ANO3: variants seen among roughly 807,000 people sequenced by gnomAD.
ANO3 encodes anoctamin 3.
A neutral mutation model predicts 144.8 loss-of-function variants in ANO3; 99 were observed. The observed-to-expected ratio is 0.68, with a 90% confidence interval of 0.58 to 0.81. The LOEUF (loss-of-function observed/expected upper bound fraction) is 0.81. Among genes scored for constraint, ANO3 ranks in the 30% least tolerant of loss-of-function variants. ANO3 has a pLI of 0.00. For synonymous variants in ANO3, 414 were observed against 392.6 expected (o/e 1.05, Z -0.64); for missense variants, 905 against 1,202.2 (o/e 0.75, Z 3.66).
intron 1 of ANO3, among the ~76,000 whole-genome samples, chr11:26,277,982 T>G (rs996178169): frequency 6.6e-6 from 1 of 152,006 alleles, no homozygotes; most frequent in African/African-American, 2.4e-5. Context: ...CAATATATGG[T>G]TTTCCTTGTA....
At chr11:26,623,980 G>A (rs1852500413) in intron 17 of ANO3, among the ~76,000 whole-genome samples, 1 of 151,880 alleles carries the variant, frequency 6.6e-6, no homozygotes, top group Non-Finnish European at 1.5e-5. Context: ...TAGAGACGGG[G>A]TTTCACCCTG....
intron 14 of ANO3, among the ~76,000 whole-genome samples, chr11:26,586,503 C>CTTTTTT (rs550057766): frequency 0.23 from 18,996 of 81,020 alleles, 4,981 homozygotes; most frequent in East Asian, 0.32. Flanking sequence ...TGGTGAGAAT[C>CTTTTTT]TTTTTTTTTT....
At chr11:26,292,317 T>C (rs1390243459) in intron 1 of ANO3, among the ~76,000 whole-genome samples, 1 of 152,138 alleles carries the variant, frequency 6.6e-6, no homozygotes, top group Non-Finnish European at 1.5e-5. Context: ...CATCTAATCT[T>C]TTTTCAAGGT....
Position 26,547,068 on chromosome 11 carries a change from T to A in ANO3, c.1155-348T>A, listed in dbSNP as rs181260045. On this transcript the variant is annotated intron_variant, in intron 11 of 26. Coordinates refer to ENST00000256737, the MANE Select transcript of ANO3 (RefSeq NM_031418.4). ...CCCAGAGGGGAGACCTTTTCTTAAT[T>A]TTCATGAAAGCTATATGGTTTAGAG... Among the ~76,000 whole-genome samples the A allele has an allele frequency of 5.0e-4, 76 of 151,838 alleles. 1 individual carries two copies. In the East Asian group the frequency reaches 7.8e-3, roughly 16 times the overall value.
At chr11:26,539,163 CACACACACACAA>C (rs1371933336) in intron 10 of ANO3, among the ~76,000 whole-genome samples, 2 of 148,974 alleles carry the variant, frequency 1.3e-5, no homozygotes, top group African/African-American at 5.1e-5. Context: ...CACACACACA[CACACACACACAA>C]GAGTTTGTCC....
At chr11:26,410,904 C>T (rs1857412444) in intron 1 of ANO3, among the ~76,000 whole-genome samples, 1 of 151,924 alleles carries the variant, frequency 6.6e-6, no homozygotes, top group South Asian at 2.1e-4. Flanking sequence ...GCTGCCTGTG[C>T]GCTCAAGATA....
chr11:26,194,886 G>A (rs1325336502), intron 1 of ANO3, among the ~76,000 whole-genome samples: 2 of 151,982 alleles, frequency 1.3e-5, no homozygotes, highest in Non-Finnish European at 2.9e-5. Flanking sequence ...ATTTATGTGT[G>A]TACATGACAT....
chr11:26,291,438 A>T (rs1210922254), intron 1 of ANO3, among the ~76,000 whole-genome samples: 60 of 152,112 alleles, frequency 3.9e-4, no homozygotes, highest in South Asian at 2.1e-4. Flanking sequence ...TGTGTGAATT[A>T]GATCCTGTCA....
intron 3 of ANO3, among the ~76,000 whole-genome samples, chr11:26,455,421 A>C (rs1281045726): frequency 6.6e-6 from 1 of 151,950 alleles, no homozygotes; most frequent in Non-Finnish European, 1.5e-5. Flanking sequence ...GCATTCTTAT[A>C]CACCAATAAC....
At chr11:26,522,512 A>G (rs1355391086) in intron 6 of ANO3, among the ~76,000 whole-genome samples, 2 of 152,170 alleles carry the variant, frequency 1.3e-5, no homozygotes, top group Non-Finnish European at 2.9e-5. Flanking sequence ...GCCTTGACAC[A>G]AGGTATAAAA....
At chr11:26,454,137 A>G (rs1472073619) in intron 3 of ANO3, among the ~76,000 whole-genome samples, 3 of 152,178 alleles carry the variant, frequency 2.0e-5, no homozygotes, top group African/African-American at 7.2e-5. Flanking sequence ...AAGATCCAAA[A>G]TTGACACCCT....
chr11:26,442,958 G>T (rs1036261164), intron 2 of ANO3, among the ~76,000 whole-genome samples: 2 of 151,968 alleles, frequency 1.3e-5, no homozygotes, highest in African/African-American at 4.8e-5. Context: ...TAGAGACTGG[G>T]TTTCATCATG....
chr11:26,400,457 T>C (rs971711246), intron 1 of ANO3, among the ~76,000 whole-genome samples: 1 of 152,044 alleles, frequency 6.6e-6, no homozygotes. Flanking sequence ...AAAACCATTT[T>C]AAAATAAAAA....
rs1859469896 is a variant in ANO3, at chr11:26,463,040, A to G, written c.324A>G (p.Lys108=). ...DLSDFCLALG[K]DKDYTDESEH... is the part of the protein sequence containing the mutation. The stretch of plus-strand genomic sequence containing the variant: ...CTTTCTCTTTTATAGCCCTAGGAAA[A>G]GATAAGGATTACACGGATGAATCAG... Residue 108 remains lysine, a synonymous_variant, in exon 4 of 27, where the codon AAA becomes AAG. Coordinates refer to ENST00000256737, the MANE Select transcript of ANO3 (RefSeq NM_031418.4). The G allele has an allele frequency of 1.9e-6, 3 of 1,542,720 alleles. No individual in the cohort carries two copies. Among genetic ancestry groups the G allele is most frequent in the South Asian group, 1.3e-5 (1 of 78,720 alleles).
At chr11:26,471,771 A>G (rs542781568) in intron 4 of ANO3, among the ~76,000 whole-genome samples, 54 of 152,018 alleles carry the variant, frequency 3.6e-4, no homozygotes, top group African/African-American at 1.3e-3. Context: ...CTATAAGGGG[A>G]AAAAAATGTG....
chr11:26,614,278 G>T (rs2132976784), intron 17 of ANO3, among the ~76,000 whole-genome samples: 1 of 152,334 alleles, frequency 6.6e-6, no homozygotes, highest in South Asian at 2.1e-4. Context: ...ATGGCTAGCA[G>T]GCTGTTCAGC....
At chr11:26,583,499 G>C (rs556731737) in intron 14 of ANO3, among the ~76,000 whole-genome samples, 1 of 152,176 alleles carries the variant, frequency 6.6e-6, no homozygotes, top group East Asian at 1.9e-4. Flanking sequence ...CGGTCCAAAT[G>C]TTCAAAATCT....
At chr11:26,424,289 A>G (rs151133201) in intron 1 of ANO3, among the ~76,000 whole-genome samples, 1 of 143,340 alleles carries the variant, frequency 7.0e-6, no homozygotes, top group Non-Finnish European at 1.5e-5. Flanking sequence ...ACATTTCTAT[A>G]TGTCAGTTTT....
chr11:26,259,911 G>T (rs1043189457), intron 1 of ANO3, among the ~76,000 whole-genome samples: 1 of 152,120 alleles, frequency 6.6e-6, no homozygotes, highest in Non-Finnish European at 1.5e-5. Context: ...TGGCTAACAC[G>T]TTACCCTGGC....
Sources: gnomAD v4.1 joint callset for allele counts (sites outside exome capture counted in the v4.1 genomes callset) on GRCh38, gnomAD v4.1.1 for gene constraint, MANE v1.5 for transcripts, NCBI Gene and HGNC (gene_info 2026-07-23, HGNC 2026-07-21) for gene names.